The following COMT variants were observed in gnomAD, a reference collection of about 807,000 sequenced individuals.
The protein encoded by COMT is catechol-O-methyltransferase.
A neutral mutation model predicts 18.9 loss-of-function variants in COMT; 13 were observed. The ratio of observed to expected loss-of-function variants is 0.69; its 90% CI spans 0.45 to 1.09. COMT has a LOEUF of 1.09. Ranked by LOEUF, COMT falls within the 50% of genes least tolerant of loss-of-function variation. The probability of loss-of-function intolerance (pLI) is 0.00; values close to 1 mark genes in which losing one functional copy is unlikely to be tolerated. For missense variants in COMT, 329 were observed against 361.8 expected (o/e 0.91, Z 0.73); for synonymous variants, 150 against 160.9 (o/e 0.93, Z 0.51).
rs1942601254 is a variant in COMT, at chr22:19,969,122, C to CT, written c.*387dup. The CT allele has an allele frequency of 4.5e-6, 1 of 220,290 alleles. No individual in the cohort carries two copies. Among genetic ancestry groups the CT allele is most frequent in the Non-Finnish European group, 9.2e-6 (1 of 108,326 alleles). The allele number at this position is 220,290 out of a possible 1,614,324, so 13.6% of individuals were successfully genotyped here. On this transcript the variant is annotated 3_prime_UTR_variant, in exon 6 of 6. Coordinates refer to ENST00000361682, the MANE Select transcript of COMT (RefSeq NM_000754.4). Reference sequence around the variant, plus strand: ...AAGCTCCCCTTGACGGACGCTAACGCTAAGGGCGGGGCCCCTAGCTGGCTG... The same window carrying CT: ...AAGCTCCCCTTGACGGACGCTAACGCTTAAGGGCGGGGCCCCTAGCTGGCTG...
intron 1 of COMT, among the ~76,000 whole-genome samples, chr22:19,953,238 G>A (rs985544656): frequency 2.6e-5 from 4 of 152,150 alleles, no homozygotes; most frequent in African/African-American, 7.2e-5. Context: ...CATCCAGTGC[G>A]GTCTGGATGC....
intron 1 of COMT, among the ~76,000 whole-genome samples, chr22:19,959,560 G>A (rs1942144210): frequency 6.6e-6 from 1 of 152,220 alleles, no homozygotes; most frequent in Admixed American, 6.5e-5. Flanking sequence ...GGGCGGAGCG[G>A]AGGTGGTTAG....
chr22:19,957,379 C>G lies in COMT; in HGVS notation c.-91-3820C>G, dbSNP rs568188792. On this transcript the variant is annotated intron_variant, in intron 1 of 5. Transcript: ENST00000361682. The stretch of plus-strand genomic sequence containing the variant: ...GCTGCAGTGAGCCTTGATCACGCCA[C>G]TGCACTCCAGCCTGGGCAATTGAAC... Among the ~76,000 whole-genome samples, 6 of 152,316 alleles carry G rather than the reference C, an allele frequency of 3.9e-5. No homozygotes were observed. In the South Asian group the frequency reaches 1.2e-3, roughly 32 times the overall value.
chr22:19,958,321 C>T (rs1183879003), intron 1 of COMT, among the ~76,000 whole-genome samples: 14 of 151,506 alleles, frequency 9.2e-5, no homozygotes, highest in Non-Finnish European at 1.9e-4. Context: ...CGGACCACCA[C>T]GCCTGGCTAA....
intron 3 of COMT, 124 bp downstream of exon 3, chr22:19,962,939 A>G (rs1569133158): frequency 7.8e-7 from 1 of 1,282,628 alleles, no homozygotes; most frequent in East Asian, 2.5e-5. Flanking sequence ...GGATATGCCC[A>G]GATAGGGCTG....
At chr22:19,952,776 C>A (rs1268287852) in intron 1 of COMT, among the ~76,000 whole-genome samples, 5 of 151,818 alleles carry the variant, frequency 3.3e-5, no homozygotes, top group Non-Finnish European at 7.4e-5. Flanking sequence ...CATGGTGAAA[C>A]CTTGTCTCTA....
intron 1 of COMT, among the ~76,000 whole-genome samples, chr22:19,950,194 CT>C (rs372972951): frequency 0.047 from 6,429 of 136,722 alleles, 387 homozygotes; most frequent in African/African-American, 0.14. Flanking sequence ...CTAGTTCTCA[CT>C]TTTTTTTTTA....
chr22:19,963,470 C>T, intron 3 of COMT, 96 bp from the exon 4 acceptor site: 1 of 1,433,208 alleles, frequency 7.0e-7, no homozygotes, highest in Non-Finnish European at 9.5e-7. Context: ...GGGAGGGGCT[C>T]CTGCTCTTTG....
At chr22:19,945,310 A>G (rs937531622) in intron 1 of COMT, among the ~76,000 whole-genome samples, 1 of 152,224 alleles carries the variant, frequency 6.6e-6, no homozygotes, top group Non-Finnish European at 1.5e-5. Flanking sequence ...CGTAAGCCAC[A>G]TACCAGGCCA....
chr22:19,962,892 CTGT>C, intron 3 of COMT, 77 bp downstream of exon 3: 1 of 1,517,132 alleles, frequency 6.6e-7, no homozygotes, highest in East Asian at 2.3e-5. Context: ...ACAGGAGAAG[CTGT>C]TATCACCCCA....
intron 1 of COMT, among the ~76,000 whole-genome samples, chr22:19,949,027 T>C (rs1240792084): frequency 1.3e-5 from 2 of 151,582 alleles, no homozygotes; most frequent in Non-Finnish European, 2.9e-5. Flanking sequence ...ATGAGGTCAA[T>C]TCTAGCCAGC....
In COMT at chr22:19,969,054, C is replaced by A. The variant is rs553561747; in HGVS notation, c.*318C>A. On this transcript the variant is annotated 3_prime_UTR_variant, in exon 6 of 6. Transcript: ENST00000361682. ...ACTCGACTTAGTACATCCTTCTCAA[C>A]TGCCATTCCCCTGCTGCCCTTGACT... The A allele has an allele frequency of 4.7e-5, 12 of 257,948 alleles. No individual in the cohort carries two copies. The highest frequency in any genetic ancestry group is 8.5e-5 in the Non-Finnish European group (11 of 130,044). The allele number at this position is 257,948 out of a possible 1,614,324, so 16.0% of individuals were successfully genotyped here. A position where few individuals can be genotyped will look rare whatever the true frequency, so the allele number is the denominator to read the frequency against.
intron 1 of COMT, among the ~76,000 whole-genome samples, chr22:19,946,919 T>TG (rs965916507): frequency 6.9e-6 from 1 of 144,368 alleles, no homozygotes; most frequent in African/African-American, 2.6e-5. Context: ...AGTTTTTTTT[T>TG]TTTTTTTTTT....
At chr22:19,944,275 G>A (rs1407138603) in intron 1 of COMT, among the ~76,000 whole-genome samples, 2 of 152,242 alleles carry the variant, frequency 1.3e-5, no homozygotes, top group African/African-American at 4.8e-5. Flanking sequence ...GCCGGGCCCG[G>A]TGGCTCATGC....
intron 1 of COMT, among the ~76,000 whole-genome samples, chr22:19,945,267 A>G (rs1294751075): frequency 6.6e-6 from 1 of 152,170 alleles, no homozygotes; most frequent in Non-Finnish European, 1.5e-5. Context: ...TTTGGAAGTG[A>G]CTTTCCTTAC....
intron 1 of COMT, among the ~76,000 whole-genome samples, chr22:19,952,024 G>A (rs921273507): frequency 3.3e-5 from 5 of 152,238 alleles, no homozygotes; most frequent in African/African-American, 1.2e-4. Flanking sequence ...GAAGCCATGT[G>A]CAGTATGGCT....
At chr22:19,943,828 T>G (rs1941790811) in intron 1 of COMT, among the ~76,000 whole-genome samples, 1 of 151,986 alleles carries the variant, frequency 6.6e-6, no homozygotes, top group African/African-American at 2.4e-5. Flanking sequence ...GTGAAGTCTG[T>G]GATGATGGCA....
rs775160442 is a variant in COMT, at chr22:19,968,716, G to A, written c.796G>A (p.Gly266Ser). Residue 266 changes from glycine (G) to serine (S), a missense_variant, in exon 6 of 6, where the codon GGC becomes AGC. Physicochemically the swap from Gly to Ser is moderately conservative, Grantham distance 56. Transcript: ENST00000361682. Reference sequence around the variant, plus strand: ...GGAGAAGGCCATCTACAAGGGCCCAGGCAGCGAAGCAGGGCCCTGACTGCC... The same window carrying A: ...GGAGAAGGCCATCTACAAGGGCCCAAGCAGCGAAGCAGGGCCCTGACTGCC... ...GLEKAIYKGP[G>S]SEAGP The A allele has an allele frequency of 8.1e-6, 13 of 1,610,934 alleles. No individual in the cohort carries two copies. The highest frequency in any genetic ancestry group is 1.1e-5 in the Non-Finnish European group (13 of 1,179,416).
rs937680650 is a variant in COMT at position 19,968,990 on chromosome 22, A to C, written c.*254A>C. On this transcript the variant is annotated 3_prime_UTR_variant, in exon 6 of 6. Transcript: ENST00000361682. ...TATATACTAATATCATGTTTTAAAA[A>C]TATAAAATAGAAATTAAGAATCTAA... The C allele has an allele frequency of 2.5e-6, 1 of 393,744 alleles. No homozygotes were observed. Among genetic ancestry groups the C allele is most frequent in the Non-Finnish European group, 4.6e-6 (1 of 215,966 alleles). The allele number at this position is 393,744 out of a possible 1,614,324, so 24.4% of individuals were successfully genotyped here.
Sources: allele counts gnomAD v4.1 joint callset (sites outside exome capture counted in the v4.1 genomes callset), GRCh38; gene constraint gnomAD v4.1.1; transcripts MANE v1.5; gene names NCBI Gene and HGNC (gene_info 2026-07-23, HGNC 2026-07-21).